RNF10: variants seen among roughly 807,000 people sequenced by gnomAD.
The protein encoded by RNF10 is ring finger protein 10, also known as E3 ubiquitin-protein ligase RNF10.
A neutral mutation model predicts 91.4 loss-of-function variants in RNF10; 38 were observed. The ratio of observed to expected loss-of-function variants is 0.42; its 90% CI spans 0.32 to 0.54. The LOEUF (loss-of-function observed/expected upper bound fraction) is 0.54. Ranked by LOEUF, RNF10 falls within the 20% of genes least tolerant of loss-of-function variation. The pLI is 0.16. For synonymous variants in RNF10, 364 were observed against 366.3 expected (o/e 0.99, Z 0.07); for missense variants, 945 against 1,012.0 (o/e 0.93, Z 0.90).
At chr12:120,538,837 A>G (rs182986988) in intron 1 of RNF10, among the ~76,000 whole-genome samples, 1 of 152,326 alleles carries the variant, frequency 6.6e-6, no homozygotes, top group Admixed American at 6.5e-5. Flanking sequence ...TCTTCCTGTT[A>G]TTCTGGTACC....
intron 2 of RNF10, among the ~76,000 whole-genome samples, chr12:120,548,129 G>T (rs1872570889): frequency 6.6e-6 from 1 of 152,136 alleles, no homozygotes; most frequent in Admixed American, 6.6e-5. Flanking sequence ...TGGGAGAGGG[G>T]AATAGGGTTG....
At chr12:120,562,853 C>A in intron 7 of RNF10, 92 bp from the exon 8 acceptor site, 1 of 1,512,024 alleles carries the variant, frequency 6.6e-7, no homozygotes, top group Non-Finnish European at 9.1e-7. Flanking sequence ...AACTTTTGGT[C>A]CTGTTGAGAG....
chr12:120,549,070 C>G (rs1342842031), intron 2 of RNF10, among the ~76,000 whole-genome samples: 2 of 152,048 alleles, frequency 1.3e-5, no homozygotes, highest in Non-Finnish European at 2.9e-5. Flanking sequence ...AATTGCTGAG[C>G]AATGTCCTTG....
At chr12:120,555,650 G>C (rs905689237) in intron 4 of RNF10, among the ~76,000 whole-genome samples, 6 of 151,798 alleles carry the variant, frequency 4.0e-5, no homozygotes, top group Non-Finnish European at 8.8e-5. Context: ...ACCACTCCCA[G>C]CTAATTTTTT....
chr12:120,567,442 C>T (rs1231382405), intron 13 of RNF10, among the ~76,000 whole-genome samples: 2 of 152,058 alleles, frequency 1.3e-5, no homozygotes, highest in Non-Finnish European at 2.9e-5. Flanking sequence ...GTGGCTTATG[C>T]CTGTAATCCC....
intron 4 of RNF10, 41 bp from the exon 5 acceptor site, chr12:120,557,241 G>C (rs771086821): frequency 6.2e-7 from 1 of 1,601,584 alleles, no homozygotes; most frequent in Admixed American, 1.7e-5. Context: ...TCCCTAATCA[G>C]TTCTTCAAGC....
chr12:120,534,499 C>T lies in RNF10; in HGVS notation c.-313C>T, dbSNP rs1040003075. On this transcript the variant is annotated 5_prime_UTR_variant, in exon 1 of 17. Coordinates refer to ENST00000325954, the MANE Select transcript of RNF10 (RefSeq NM_014868.5). ...CCTCGCGGCGGGAGAGCGTGTCCGGCCGGCCGGCCGGCGGGGCTCGCGCAA... is the reference window on the plus strand; with the variant it reads ...CCTCGCGGCGGGAGAGCGTGTCCGGTCGGCCGGCCGGCGGGGCTCGCGCAA... The T allele has an allele frequency of 3.3e-5, 8 of 243,656 alleles. No individual in the cohort carries two copies. The highest frequency in any genetic ancestry group is 1.4e-4 in the African/African-American group (6 of 43,230). 15.1% of individuals were successfully genotyped at this position (243,656 alleles called of 1,614,324 possible).
chr12:120,569,549 T>TTTTTTTTTTTTTTTG (rs1555229856), intron 13 of RNF10, among the ~76,000 whole-genome samples: 8 of 149,586 alleles, frequency 5.3e-5, no homozygotes, highest in Non-Finnish European at 8.9e-5. Flanking sequence ...TTTTTTTTTT[T>TTTTTTTTTTTTTTTG]GAGACAGGGT....
intron 1 of RNF10, among the ~76,000 whole-genome samples, 163 bp from the exon 2 acceptor site, chr12:120,546,242 A>G (rs1027677092): frequency 2.6e-5 from 4 of 152,008 alleles, no homozygotes. Flanking sequence ...ACACTCTACT[A>G]TGTGTTGTCT....
At chr12:120,552,818 G>T (rs527576617) in intron 3 of RNF10, 120 bp downstream of exon 3, 2 of 864,394 alleles carry the variant, frequency 2.3e-6, no homozygotes, top group Non-Finnish European at 3.5e-6. Context: ...AATTGGTCTC[G>T]TTCTTTTTCT....
chr12:120,563,713 G>T (rs1480660507), intron 9 of RNF10, 90 bp downstream of exon 9: 3 of 1,577,002 alleles, frequency 1.9e-6, no homozygotes, highest in Admixed American at 1.7e-5. Flanking sequence ...ACTAGATCCT[G>T]TGGCTTGGGT....
intron 2 of RNF10, among the ~76,000 whole-genome samples, chr12:120,551,180 A>T (rs1872992567): frequency 6.6e-6 from 1 of 150,450 alleles, no homozygotes; most frequent in Non-Finnish European, 1.5e-5. Context: ...GAGACATGGG[A>T]TCCCTGTGTT....
At position 120,534,512 on chromosome 12, in the gene RNF10, G is replaced by T; in HGVS notation, c.-300G>T. On this transcript the variant is annotated 5_prime_UTR_variant, in exon 1 of 17. Coordinates refer to ENST00000325954, the MANE Select transcript of RNF10 (RefSeq NM_014868.5). Reference sequence around the variant, plus strand: ...GAGCGTGTCCGGCCGGCCGGCCGGCGGGGCTCGCGCAACCTCCCTCGCCTC... The same window carrying T: ...GAGCGTGTCCGGCCGGCCGGCCGGCTGGGCTCGCGCAACCTCCCTCGCCTC... 3.6e-6 allele frequency: 1 copy of T among 276,404 alleles called. No homozygotes were observed. Among genetic ancestry groups the T allele is most frequent in the Non-Finnish European group, 6.3e-6 (1 of 159,410 alleles). 17.1% of individuals were successfully genotyped at this position (276,404 alleles called of 1,614,324 possible).
chr12:120,564,975 C>A, intron 10 of RNF10, 97 bp from the exon 11 acceptor site: 1 of 767,696 alleles, frequency 1.3e-6, no homozygotes, highest in Non-Finnish European at 2.3e-6. Context: ...CCAGTGCTGG[C>A]TGTGTTATGT....
chr12:120,576,719 T>C lies in RNF10; in HGVS notation c.*53T>C, dbSNP rs3203671. 3,514 of 1,592,014 alleles carry C rather than the reference T, an allele frequency of 2.2e-3. 12 individuals carry two copies. The highest frequency in any genetic ancestry group is 3.5e-3 in the Middle Eastern group (21 of 5,926). On this transcript the variant is annotated 3_prime_UTR_variant, in exon 17 of 17. Transcript: ENST00000325954. ...TCTGGTTTTTGTTTTTGTTTTTTTTTCCCCCATGCTTTTGTTTGGCTGCTG... is the reference window on the plus strand; with the variant it reads ...TCTGGTTTTTGTTTTTGTTTTTTTTCCCCCCATGCTTTTGTTTGGCTGCTG...
rs916143740 is a variant in RNF10 at position 120,563,899 on chromosome 12, A to T, written c.1621A>T (p.Ile541Phe). 6.2e-7 allele frequency: 1 copy of T among 1,614,106 alleles called. No homozygotes were observed. The highest frequency in any genetic ancestry group is 1.1e-5 in the South Asian group (1 of 91,068). ...CAGCCTGGAGAGGAGCCCCGAGAAG[A>T]TCTCAGCAACTGTGGTGGAGATTGC... ...YGSLERSPEK[I>F]SATVVEIAGY... is the part of the protein sequence containing the mutation. The change falls in exon 10 of 17, where the codon ATC (isoleucine) becomes TTC (phenylalanine). Residue 541 changes from isoleucine (I) to phenylalanine (F), a missense_variant. Ile to Phe is a conservative substitution (Grantham distance 21). Coordinates refer to ENST00000325954, the MANE Select transcript of RNF10 (RefSeq NM_014868.5).
At chr12:120,551,296 T>TG (rs1362041602) in intron 2 of RNF10, among the ~76,000 whole-genome samples, 32 of 125,982 alleles carry the variant, frequency 2.5e-4, no homozygotes, top group Admixed American at 3.9e-4. Flanking sequence ...TAGTGTTTTT[T>TG]TTTTTTTTTT....
intron 6 of RNF10, among the ~76,000 whole-genome samples, chr12:120,558,771 C>A (rs1002542826): frequency 1.3e-5 from 2 of 151,172 alleles, no homozygotes; most frequent in Admixed American, 1.3e-4. Context: ...GGGGTTTCAC[C>A]ATGTTGGCAG....
intron 1 of RNF10, among the ~76,000 whole-genome samples, chr12:120,545,965 A>G: frequency 6.6e-6 from 1 of 152,376 alleles, no homozygotes; most frequent in South Asian, 2.1e-4. Context: ...GCTAAGGCCT[A>G]GGACAACCCC....
Sources: allele counts gnomAD v4.1 joint callset (sites outside exome capture counted in the v4.1 genomes callset), GRCh38; gene constraint gnomAD v4.1.1; transcripts MANE v1.5; gene names NCBI Gene and HGNC (gene_info 2026-07-23, HGNC 2026-07-21).